MED15: variants seen among roughly 807,000 people sequenced by gnomAD.
MED15 encodes the protein mediator complex subunit 15.
In MED15, 41 loss-of-function variants were observed where a neutral mutation model predicts 118.7. The observed-to-expected ratio is 0.35, with a 90% CI of 0.27 to 0.45. The LOEUF is 0.45. Among genes scored for constraint, MED15 ranks in the 20% least tolerant of loss-of-function variants. The pLI is 1.00. For synonymous variants in MED15, 436 were observed against 413.9 expected (o/e 1.05, Z -0.65); for missense variants, 740 against 1,025.5 (o/e 0.72, Z 3.80).
At position 20,583,248 on chromosome 22, in the gene MED15, G is replaced by A. The variant is rs112755816; in HGVS notation, c.1672+1G>A. ...ATCAACAAGATCGACAAGAACGAAG[G>A]TAGGCTGCAGCCAGGGCAGGGGCCT... On this transcript the variant is annotated splice_donor_variant, in intron 12 of 17. Coordinates refer to ENST00000263205, the MANE Select transcript of MED15 (RefSeq NM_001003891.3). LOFTEE classifies it high-confidence loss of function. The A allele has an allele frequency of 1.2e-6, 2 of 1,611,652 alleles. No individual in the cohort carries two copies. The highest frequency in any genetic ancestry group is 8.5e-7 in the Non-Finnish European group (1 of 1,178,398).
intron 1 of MED15, among the ~76,000 whole-genome samples, chr22:20,514,121 C>T (rs1300844039): frequency 2.0e-5 from 3 of 152,184 alleles, no homozygotes; most frequent in Non-Finnish European, 4.4e-5. Flanking sequence ...CTGCCTCAGC[C>T]TCCCAAAGGG....
At chr22:20,576,121 T>TG (rs2056817998) in intron 9 of MED15, among the ~76,000 whole-genome samples, 1 of 152,260 alleles carries the variant, frequency 6.6e-6, no homozygotes. Context: ...AGTTACCACA[T>TG]GCATTCTGTG....
chr22:20,519,118 G>A (rs2054354651), intron 1 of MED15: 4 of 335,544 alleles, frequency 1.2e-5, no homozygotes, highest in South Asian at 8.9e-5. Flanking sequence ...CTCCCAAAGT[G>A]CTGGGATTAC....
chr22:20,564,610 G>C lies in MED15; in HGVS notation c.612G>C (p.Val204=). 1 of 1,582,376 alleles carries C rather than the reference G, an allele frequency of 6.3e-7. No individual in the cohort carries two copies. The highest frequency in any genetic ancestry group is 1.4e-5 in the African/African-American group (1 of 73,850). ...TGCAGCAGCAGTTCCAAGCAGTAGT[G>C]CAGCAGCAGCAGCAGCTCCAGCAGC... is the stretch of plus-strand genomic sequence containing the variant. ...SAMQQQFQAV[V]QQQQQLQQQQ... Residue 204 remains valine, a synonymous_variant, in exon 6 of 18, where the codon GTG becomes GTC. Transcript: ENST00000263205.
chr22:20,515,832 G>A (rs376607930), intron 1 of MED15, among the ~76,000 whole-genome samples: 1 of 151,276 alleles, frequency 6.6e-6, no homozygotes, highest in Non-Finnish European at 1.5e-5. Context: ...ATAAAACCTC[G>A]TCTCTACTAA....
chr22:20,572,717 A>G (rs1239866669), intron 8 of MED15, among the ~76,000 whole-genome samples: 1 of 152,202 alleles, frequency 6.6e-6, no homozygotes, highest in Non-Finnish European at 1.5e-5. Flanking sequence ...CCAGGAGTTC[A>G]AAACTATCCT....
chr22:20,586,735 T>G lies in MED15; in HGVS notation c.*31T>G, dbSNP rs761155483. 8 of 1,609,704 alleles carry G rather than the reference T, an allele frequency of 5.0e-6. No homozygotes were observed. In the South Asian group the frequency reaches 8.8e-5, roughly 18 times the overall value. On this transcript the variant is annotated 3_prime_UTR_variant, in exon 18 of 18. Transcript: ENST00000263205. ...ACTGCAGGGATGGCCCGCAGCCTCA[T>G]CGGGGCCAAGGACACACGCCTCCTG...
chr22:20,587,278 G>C lies in MED15; in HGVS notation c.*574G>C, dbSNP rs1057279701. On this transcript the variant is annotated 3_prime_UTR_variant, in exon 18 of 18. Transcript: ENST00000263205. ...CTGCTGGCTCCCCGCCACCAGCTGG[G>C]CCTCAGCCCTCACGGCATTCCTGCT... 6.4e-6 allele frequency: 1 copy of C among 156,928 alleles called. No individual in the cohort carries two copies. Among genetic ancestry groups the C allele is most frequent in the Admixed American group, 6.1e-5 (1 of 16,468 alleles). 9.7% of individuals were successfully genotyped at this position (156,928 alleles called of 1,614,324 possible).
chr22:20,551,304 C>T (rs778395104), intron 2 of MED15, 132 bp from the exon 3 acceptor site: 3 of 854,888 alleles, frequency 3.5e-6, no homozygotes, highest in Non-Finnish European at 6.1e-6. Flanking sequence ...CAGAGGAGGC[C>T]GAGCAAGCGT....
intron 1 of MED15, 36 bp from the exon 2 acceptor site, chr22:20,537,081 G>A (rs751978873): frequency 1.9e-6 from 3 of 1,594,644 alleles, no homozygotes; most frequent in Admixed American, 1.7e-5. Context: ...GGAGTCACTG[G>A]TGTGTGCAAA....
At chr22:20,534,394 G>A (rs755310692) in intron 1 of MED15, among the ~76,000 whole-genome samples, 7 of 152,070 alleles carry the variant, frequency 4.6e-5, no homozygotes, top group Non-Finnish European at 8.8e-5. Context: ...GCGTGGTGGC[G>A]CATGCCTGTA....
intron 9 of MED15, 145 bp from the exon 10 acceptor site, chr22:20,582,466 G>A: frequency 4.6e-6 from 6 of 1,296,820 alleles, no homozygotes; most frequent in Non-Finnish European, 2.1e-6. Context: ...GTGCCTGTGT[G>A]TATGTCCAGG....
At chr22:20,538,732 C>G (rs1341347979) in intron 2 of MED15, among the ~76,000 whole-genome samples, 1 of 151,670 alleles carries the variant, frequency 6.6e-6, no homozygotes, top group South Asian at 2.1e-4. Flanking sequence ...GACAGTTTTC[C>G]TCTTGTGCCC....
Position 20,525,822 on chromosome 22 carries a change from C to G in MED15, c.69-11295C>G, listed in dbSNP as rs1429134869. 2.0e-5 allele frequency among the ~76,000 whole-genome samples: 3 copies of G among 152,180 alleles called. No individual in the cohort carries two copies. In the East Asian group the frequency reaches 5.8e-4, roughly 29 times the overall value. ...AAGTGTTGGGATTACAGGTGTGAGC[C>G]CCTGCACCCGGCCACGTGACCCTTC... On this transcript the variant is annotated intron_variant, in intron 1 of 17. Transcript: ENST00000263205.
chr22:20,517,234 G>C (rs2054285753), intron 1 of MED15, among the ~76,000 whole-genome samples: 1 of 152,080 alleles, frequency 6.6e-6, no homozygotes, highest in Non-Finnish European at 1.5e-5. Context: ...ACTACGCCTG[G>C]CCATCCCCAG....
In MED15 at chr22:20,583,103, T is replaced by C; in HGVS notation, c.1538-10T>C. The C allele has an allele frequency of 6.3e-7, 1 of 1,579,456 alleles. No individual in the cohort carries two copies. The highest frequency in any genetic ancestry group is 8.6e-7 in the Non-Finnish European group (1 of 1,160,956). ...CGAGGGCTGTGGCCTCACCCGCCTG[T>C]GTCCTGCAGTGAACCCCAGCTCTGT... On this transcript the variant is annotated splice_polypyrimidine_tract_variant and intron_variant, in intron 11 of 17. Coordinates refer to ENST00000263205, the MANE Select transcript of MED15 (RefSeq NM_001003891.3).
At chr22:20,555,212 T>C in intron 5 of MED15, 64 bp downstream of exon 5, 1 of 1,432,960 alleles carries the variant, frequency 7.0e-7, no homozygotes, top group Non-Finnish European at 9.5e-7. Flanking sequence ...ATTTTATTCC[T>C]GTGCTTATGA....
In MED15 at chr22:20,523,359, A is replaced by T. The variant is rs185077996; in HGVS notation, c.69-13758A>T. On this transcript the variant is annotated intron_variant, in intron 1 of 17. Transcript: ENST00000263205. ...TAAGCATTTGACTTCCTTTTTTTTT[A>T]AAAAAAAAGTTCATTATGGACTTTT... Among the ~76,000 whole-genome samples, 266 of 147,986 alleles carry T rather than the reference A, an allele frequency of 1.8e-3. 3 individuals are homozygous for T. Among genetic ancestry groups the T allele is most frequent in the East Asian group, 0.014 (70 of 5,150 alleles).
intron 1 of MED15, among the ~76,000 whole-genome samples, chr22:20,529,293 G>C (rs1468759280): frequency 6.6e-6 from 1 of 152,130 alleles, no homozygotes; most frequent in Non-Finnish European, 1.5e-5. Context: ...TGTTACCCAG[G>C]CTGGAGTGCA....
Sources: allele counts gnomAD v4.1 joint callset (sites outside exome capture counted in the v4.1 genomes callset), GRCh38; gene constraint gnomAD v4.1.1; transcripts MANE v1.5; gene names NCBI Gene and HGNC (gene_info 2026-07-23, HGNC 2026-07-21).